The following DIPK1A variants were observed in gnomAD, a reference collection of about 807,000 sequenced individuals.
The protein encoded by DIPK1A is divergent protein kinase domain 1A.
A neutral mutation model predicts 40.8 loss-of-function variants in DIPK1A; 27 were observed. That is an observed-to-expected ratio of 0.66 (90% CI 0.49 to 0.91). The LOEUF is 0.91. Ranked by LOEUF, DIPK1A falls within the 40% of genes least tolerant of loss-of-function variation. DIPK1A has a pLI of 0.00. For synonymous variants in DIPK1A, 166 were observed against 171.3 expected (o/e 0.97, Z 0.24); for missense variants, 412 against 505.7 (o/e 0.81, Z 1.78).
At chr1:92,939,492 G>A (rs1571142738) in intron 1 of DIPK1A, among the ~76,000 whole-genome samples, 1 of 152,132 alleles carries the variant, frequency 6.6e-6, no homozygotes, top group East Asian at 1.9e-4. Flanking sequence ...CCTAAATCAT[G>A]TGAAGTAATA....
chr1:92,853,446 A>G (rs907511858), intron 2 of DIPK1A, among the ~76,000 whole-genome samples: 1 of 152,174 alleles, frequency 6.6e-6, no homozygotes, highest in African/African-American at 2.4e-5. Context: ...GGGGAAACCA[A>G]TCAGATTGGC....
At chr1:92,841,910 T>TA, downstream of DIPK1A, 1 of 1,387,046 alleles carries the variant, frequency 7.2e-7, no homozygotes. Flanking sequence ...ATAATAAACT[T>TA]ATGAACAGCA....
At chr1:92,957,038 G>C (rs961461956) in intron 1 of DIPK1A, among the ~76,000 whole-genome samples, 2 of 152,206 alleles carry the variant, frequency 1.3e-5, no homozygotes, top group Non-Finnish European at 2.9e-5. Context: ...TCTAAGTACA[G>C]AGAATTATGC....
intron 1 of DIPK1A, among the ~76,000 whole-genome samples, chr1:92,930,455 T>G: frequency 6.6e-6 from 1 of 152,198 alleles, no homozygotes; most frequent in East Asian, 1.9e-4. Flanking sequence ...GAGCTTATAT[T>G]TTATCCAGCA....
chr1:92,843,952 T>G lies in DIPK1A; in HGVS notation c.718A>C (p.Ser240Arg). Residue 240 changes from serine (S) to arginine (R), a missense_variant, in exon 5 of 5, where the codon AGC becomes CGC. Ser to Arg is a moderately radical substitution (Grantham distance 110, BLOSUM62 -1). Transcript: ENST00000370310. ...SVEYTSLYGI[S>R]LPWVIELFIP... ...AAAAGTTCAATGACCCAAGGAAGGC[T>G]TATTCCATAAAGAGAGGTATATTCA... The G allele has an allele frequency of 6.4e-7, 1 of 1,551,924 alleles. No homozygotes were observed. Among genetic ancestry groups the G allele is most frequent in the Non-Finnish European group, 8.7e-7 (1 of 1,147,038 alleles).
chr1:92,876,278 G>C lies in DIPK1A; in HGVS notation c.189+18C>G, dbSNP rs1429906117. The C allele has an allele frequency of 6.9e-7, 1 of 1,453,856 alleles. No homozygotes were observed. Among genetic ancestry groups the C allele is most frequent in the South Asian group, 1.4e-5 (1 of 72,436 alleles). 90.1% of individuals were successfully genotyped at this position (1,453,856 alleles called of 1,614,324 possible). ...TATGAAGAGGCTTTTTAGTAAACAG[G>C]AAATTTAAAATACTTACTATTATTT... is the stretch of plus-strand genomic sequence containing the variant. On this transcript the variant is annotated intron_variant, in intron 2 of 4. Transcript: ENST00000370310.
intron 1 of DIPK1A, among the ~76,000 whole-genome samples, chr1:92,911,577 A>G (rs1184917538): frequency 6.6e-6 from 1 of 152,230 alleles, no homozygotes; most frequent in Non-Finnish European, 1.5e-5. Flanking sequence ...ACTGAAGGAC[A>G]TCTGAGCTGA....
At chr1:92,936,578 G>A (rs746758874) in intron 1 of DIPK1A, among the ~76,000 whole-genome samples, 2 of 146,892 alleles carry the variant, frequency 1.4e-5, no homozygotes, top group African/African-American at 2.5e-5. Context: ...GCGATGGGCC[G>A]AGATCACACC....
At chr1:92,869,652 C>T (rs753059889) in intron 2 of DIPK1A, among the ~76,000 whole-genome samples, 6 of 151,976 alleles carry the variant, frequency 3.9e-5, no homozygotes, top group East Asian at 1.9e-4. Flanking sequence ...AGATTTTGAA[C>T]GGAATCTGTT....
chr1:92,875,097 T>A (rs1230191661), intron 2 of DIPK1A, among the ~76,000 whole-genome samples: 4 of 152,148 alleles, frequency 2.6e-5, no homozygotes, highest in Non-Finnish European at 5.9e-5. Flanking sequence ...GTATCCTAAC[T>A]GATGAAGCAC....
At chr1:92,864,055 C>CA (rs918800855) in intron 2 of DIPK1A, among the ~76,000 whole-genome samples, 1 of 151,654 alleles carries the variant, frequency 6.6e-6, no homozygotes, top group African/African-American at 2.4e-5. Context: ...GACTCCATCT[C>CA]AAAAAAACCA....
downstream of DIPK1A, chr1:92,840,935 A>G: frequency 4.0e-6 from 2 of 500,418 alleles, no homozygotes; most frequent in Non-Finnish European, 7.6e-6. Context: ...AATGGAATAG[A>G]AAGTAATACT....
chr1:92,918,963 A>G (rs1650162724), intron 1 of DIPK1A, among the ~76,000 whole-genome samples: 1 of 152,116 alleles, frequency 6.6e-6, no homozygotes, highest in Non-Finnish European at 1.5e-5. Flanking sequence ...TCAGACAGTA[A>G]TGCTGCTGGC....
intron 1 of DIPK1A, among the ~76,000 whole-genome samples, chr1:92,879,163 C>G (rs1213224077): frequency 6.6e-6 from 1 of 152,036 alleles, no homozygotes; most frequent in African/African-American, 2.4e-5. Context: ...CTGGGTGACA[C>G]AGAGAGACCC....
chr1:92,860,532 A>G (rs1259106744), intron 2 of DIPK1A, among the ~76,000 whole-genome samples: 1 of 151,582 alleles, frequency 6.6e-6, no homozygotes, highest in Non-Finnish European at 1.5e-5. Flanking sequence ...GCTCACACCT[A>G]TAATCCCAGT....
chr1:92,939,876 C>G (rs146844050), intron 1 of DIPK1A, among the ~76,000 whole-genome samples: 9 of 151,606 alleles, frequency 5.9e-5, no homozygotes, highest in Non-Finnish European at 1.3e-4. Context: ...CACTTGAACC[C>G]GGGAGGAAGA....
chr1:92,859,997 C>T (rs936391288), intron 2 of DIPK1A, among the ~76,000 whole-genome samples: 2 of 152,236 alleles, frequency 1.3e-5, no homozygotes, highest in East Asian at 1.9e-4. Flanking sequence ...CCACTGCACC[C>T]GGCCTGTGGT....
In DIPK1A at chr1:92,847,312, T is replaced by C. The variant is rs755947754; in HGVS notation, c.345A>G (p.Gln115=). The change falls in exon 4 of 5, where the codon CAA becomes CAG. Residue 115 remains glutamine (Q), a synonymous_variant. Transcript: ENST00000370310. The part of the protein sequence containing the change: ...WDNLPGVVKC[Q]MEQALHLDFG... ...AATCAAGATGAAGCGCTTGTTCCAT[T>C]TGACATTTCACAACACCTGGTAGAT... is the stretch of plus-strand genomic sequence containing the variant. 10 of 1,612,208 alleles carry C rather than the reference T, an allele frequency of 6.2e-6. No individual in the cohort carries two copies. The highest frequency in any genetic ancestry group is 2.2e-5 in the East Asian group (1 of 44,782).
chr1:92,837,746 C>T, downstream of DIPK1A: 1 of 821,918 alleles, frequency 1.2e-6, no homozygotes, highest in South Asian at 1.5e-5. Context: ...ACAACATGAG[C>T]TAGACTTGTC....
Sources: gnomAD v4.1 joint callset for allele counts (sites outside exome capture counted in the v4.1 genomes callset) on GRCh38, gnomAD v4.1.1 for gene constraint, MANE v1.5 for transcripts, NCBI Gene and HGNC (gene_info 2026-07-23, HGNC 2026-07-21) for gene names.